Variants in SORCS2 observed in about 807,000 individuals in gnomAD.
SORCS2 encodes the protein VPS10 domain-containing receptor SorCS2.
A neutral mutation model predicts 141.6 loss-of-function variants in SORCS2; 100 were observed. The observed-to-expected ratio is 0.71, with a 90% CI of 0.60 to 0.83. SORCS2 has a LOEUF of 0.83. SORCS2 is among the 40% of genes least tolerant of loss of function. The pLI, the probability that SORCS2 is intolerant of heterozygous loss-of-function variation, is 0.00. For synonymous variants in SORCS2, 789 were observed against 676.9 expected (o/e 1.17, Z -2.57); for missense variants, 1,646 against 1,560.2 (o/e 1.05, Z -0.93).
intron 3 of SORCS2, among the ~76,000 whole-genome samples, chr4:7,541,062 A>G (rs961345238): frequency 6.6e-6 from 1 of 152,206 alleles, no homozygotes; most frequent in Non-Finnish European, 1.5e-5. Flanking sequence ...GCCATCTGTC[A>G]TGACCATGGA....
At chr4:7,726,267 C>T (rs904924186) in intron 20 of SORCS2, among the ~76,000 whole-genome samples, 15 of 152,178 alleles carry the variant, frequency 9.9e-5, no homozygotes, top group Non-Finnish European at 2.2e-4. Context: ...CCTAAATGCC[C>T]GTGGGGGGCA....
chr4:7,374,388 C>G (rs1339378069), intron 1 of SORCS2, among the ~76,000 whole-genome samples: 1 of 152,114 alleles, frequency 6.6e-6, no homozygotes, highest in East Asian at 1.9e-4. Flanking sequence ...CTCGTACCAG[C>G]CCGGGTCTGA....
Position 7,396,374 on chromosome 4 carries a change from A to C in SORCS2, c.548+19A>C, listed in dbSNP as rs142829002. 1,808 of 1,613,436 alleles carry C rather than the reference A, an allele frequency of 1.1e-3. 12 individuals carry two copies. The African/African-American group carries it at 0.016, about 14-fold the overall frequency. ...TGTGGCGGTAAGTCAGCCCGATGGC[A>C]GGCCTTTCTCTTATGCACCTGCGTG... On this transcript the variant is annotated intron_variant, in intron 2 of 26. Transcript: ENST00000507866.
intron 2 of SORCS2, among the ~76,000 whole-genome samples, chr4:7,454,658 G>T (rs1728746851): frequency 7.7e-6 from 1 of 130,358 alleles, no homozygotes; most frequent in African/African-American, 3.0e-5. Context: ...CACTGTGTTG[G>T]GGTCAGGCTC....
chr4:7,692,810 G>T (rs541251177), intron 11 of SORCS2, among the ~76,000 whole-genome samples: 1 of 152,174 alleles, frequency 6.6e-6, no homozygotes. Context: ...AGAGGGCACC[G>T]CGTGTGCAGG....
intron 1 of SORCS2, among the ~76,000 whole-genome samples, chr4:7,224,444 G>A (rs1002893090): frequency 1.3e-4 from 19 of 151,408 alleles, no homozygotes; most frequent in East Asian, 3.9e-4. Flanking sequence ...TGGCCAAGTC[G>A]TGTCCTCTGG....
At chr4:7,334,363 C>T (rs1321883789) in intron 1 of SORCS2, among the ~76,000 whole-genome samples, 1 of 152,108 alleles carries the variant, frequency 6.6e-6, no homozygotes, top group East Asian at 1.9e-4. Context: ...CCCTGTCCCC[C>T]TGGTCAGTCC....
At chr4:7,738,012 G>T (rs1361346955) in intron 26 of SORCS2, among the ~76,000 whole-genome samples, 1 of 152,264 alleles carries the variant, frequency 6.6e-6, no homozygotes, top group African/African-American at 2.4e-5. Context: ...GTGGAGGGAG[G>T]TGGCCAGGCA....
intron 19 of SORCS2, 143 bp from the exon 20 acceptor site, chr4:7,725,006 TGGTGG>T: frequency 2.8e-6 from 2 of 717,494 alleles, no homozygotes; most frequent in Non-Finnish European, 4.4e-6. Flanking sequence ...GTAGTGGTGA[TGGTGG>T]TGGTGGTGGT....
At chr4:7,228,331 T>C (rs1044272133) in intron 1 of SORCS2, among the ~76,000 whole-genome samples, 1 of 152,040 alleles carries the variant, frequency 6.6e-6, no homozygotes, top group African/African-American at 2.4e-5. Flanking sequence ...GGGTGCAGGG[T>C]GTTAACTAGG....
At chr4:7,514,112 C>G (rs895106557) in intron 2 of SORCS2, among the ~76,000 whole-genome samples, 1 of 152,112 alleles carries the variant, frequency 6.6e-6, no homozygotes, top group African/African-American at 2.4e-5. Flanking sequence ...CCACAAGCTG[C>G]AAGGGGTGGC....
intron 4 of SORCS2, 22 bp downstream of exon 4, chr4:7,638,514 C>T (rs764319082): frequency 1.4e-5 from 23 of 1,600,288 alleles, no homozygotes; most frequent in East Asian, 9.1e-5. Context: ...GGGTGCCAGT[C>T]GCCTGGTCTG....
intron 2 of SORCS2, among the ~76,000 whole-genome samples, chr4:7,446,627 G>A (rs1728019906): frequency 6.6e-6 from 1 of 152,156 alleles, no homozygotes; most frequent in Non-Finnish European, 1.5e-5. Context: ...TTGTTGGGGT[G>A]ATGAGGGGTG....
intron 1 of SORCS2, among the ~76,000 whole-genome samples, chr4:7,361,532 A>G (rs775598255): frequency 1.9e-4 from 29 of 150,474 alleles, no homozygotes; most frequent in Non-Finnish European, 4.0e-4. Context: ...GCTGGACACC[A>G]TAATAGCAGC....
rs575777112 is a variant in SORCS2, at chr4:7,730,858, C to T, written c.3108+1146C>T. ...ATATACTACAATGCATTAAATTGTA[C>T]ACTTTAAAAGAGTAAATGTTATTAT... On this transcript the variant is annotated intron_variant, in intron 23 of 26. Coordinates refer to ENST00000507866, the MANE Select transcript of SORCS2 (RefSeq NM_020777.3). 2.6e-5 allele frequency among the ~76,000 whole-genome samples: 4 copies of T among 152,342 alleles called. No homozygotes were observed. The South Asian group carries it at 8.3e-4, about 32-fold the overall frequency.
chr4:7,559,127 C>T (rs1014503144), intron 3 of SORCS2, among the ~76,000 whole-genome samples: 1 of 152,200 alleles, frequency 6.6e-6, no homozygotes, highest in Non-Finnish European at 1.5e-5. Flanking sequence ...GTTCCCTCTG[C>T]CTGGAATGGT....
At chr4:7,536,086 G>T (rs1009308846) in intron 3 of SORCS2, among the ~76,000 whole-genome samples, 1 of 152,222 alleles carries the variant, frequency 6.6e-6, no homozygotes, top group Admixed American at 6.5e-5. Flanking sequence ...GTGCTGAGTG[G>T]GGCTAGGGAC....
At chr4:7,606,999 T>A in intron 3 of SORCS2, among the ~76,000 whole-genome samples, 1 of 152,248 alleles carries the variant, frequency 6.6e-6, no homozygotes, top group Non-Finnish European at 1.5e-5. Context: ...ACACTTTATA[T>A]GAAGCTTTTT....
At chr4:7,577,526 A>G (rs185520184) in intron 3 of SORCS2, among the ~76,000 whole-genome samples, 13 of 148,094 alleles carry the variant, frequency 8.8e-5, no homozygotes, top group African/African-American at 1.8e-4. Flanking sequence ...GAGAAGTTAT[A>G]TAGCATACAG....
Sources: gnomAD v4.1 joint callset for allele counts (sites outside exome capture counted in the v4.1 genomes callset) on GRCh38, gnomAD v4.1.1 for gene constraint, MANE v1.5 for transcripts, NCBI Gene and HGNC (gene_info 2026-07-23, HGNC 2026-07-21) for gene names.